SLC9A3: variants seen among roughly 807,000 people sequenced by gnomAD.
SLC9A3 encodes sodium/hydrogen exchanger 3.
A neutral mutation model predicts 86.8 loss-of-function variants in SLC9A3; 37 were observed. The observed-to-expected ratio is 0.43, with a 90% confidence interval of 0.33 to 0.56. The LOEUF (loss-of-function observed/expected upper bound fraction) is 0.56, where lower values mean the gene tolerates loss of function less well. Ranked by LOEUF, SLC9A3 falls within the 20% of genes least tolerant of loss-of-function variation. SLC9A3 has a pLI of 0.06. For synonymous variants in SLC9A3, 581 were observed against 528.3 expected (o/e 1.10, Z -1.37); for missense variants, 1,011 against 1,171.9 (o/e 0.86, Z 2.00).
intron 1 of SLC9A3, among the ~76,000 whole-genome samples, chr5:512,741 G>A (rs1391160554): frequency 2.0e-5 from 3 of 152,200 alleles, no homozygotes; most frequent in African/African-American, 7.2e-5. Flanking sequence ...GGGGTGAGCT[G>A]GAGAAGGCCA....
intron 3 of SLC9A3, 55 bp downstream of exon 3, chr5:488,261 G>A (rs554244983): frequency 1.3e-4 from 199 of 1,589,580 alleles, no homozygotes; most frequent in East Asian, 3.4e-4. Context: ...GGGGTGAGAC[G>A]GGGCCCAGGC....
intron 1 of SLC9A3, among the ~76,000 whole-genome samples, chr5:500,468 C>T (rs4957045): frequency 0.37 from 56,758 of 151,890 alleles, 10,661 homozygotes; most frequent in South Asian, 0.5. Flanking sequence ...CCAGGCGGGC[C>T]GGTGTGGACA....
intron 14 of SLC9A3, 144 bp downstream of exon 14, chr5:475,876 G>A: frequency 1.3e-6 from 1 of 771,910 alleles, no homozygotes. Flanking sequence ...TGCAGCTGGG[G>A]CCCTGACCAT....
intron 3 of SLC9A3, among the ~76,000 whole-genome samples, chr5:485,949 G>T (rs1391141233): frequency 1.3e-5 from 2 of 152,188 alleles, no homozygotes; most frequent in Non-Finnish European, 2.9e-5. Context: ...CAACCTCTTG[G>T]GAGACTCTTG....
intron 2 of SLC9A3, among the ~76,000 whole-genome samples, chr5:490,002 G>A (rs540777054): frequency 1.1e-4 from 16 of 152,234 alleles, no homozygotes; most frequent in Non-Finnish European, 1.8e-4. Context: ...CTGCCATGTC[G>A]ACCCTTTCCC....
In SLC9A3 at chr5:507,859, C is replaced by T. The variant is rs185766315; in HGVS notation, c.212-15788G>A. Among the ~76,000 whole-genome samples, 5 of 38,650 alleles carry T rather than the reference C, an allele frequency of 1.3e-4. 1 individual carries two copies. Among genetic ancestry groups the T allele is most frequent in the African/African-American group, 5.5e-4 (5 of 9,136 alleles). 25.4% of individuals were successfully genotyped at this position (38,650 alleles called of 152,430 possible). Reference sequence around the variant, plus strand: ...GACGCCCAAATCCCCACCCCACAGACGCCCGAATCTCCACCCCACAGACGC... The same window carrying T: ...GACGCCCAAATCCCCACCCCACAGATGCCCGAATCTCCACCCCACAGACGC... On this transcript the variant is annotated intron_variant, in intron 1 of 16. Coordinates refer to ENST00000264938, the MANE Select transcript of SLC9A3 (RefSeq NM_004174.4).
At chr5:484,450 G>A (rs954784192) in intron 5 of SLC9A3, 70 bp downstream of exon 5, 21 of 1,483,062 alleles carry the variant, frequency 1.4e-5, no homozygotes, top group South Asian at 2.4e-5. Context: ...TCGCCCTGCC[G>A]GACCCAGGAG....
At chr5:512,861 G>C (rs1221073763) in intron 1 of SLC9A3, among the ~76,000 whole-genome samples, 1 of 152,142 alleles carries the variant, frequency 6.6e-6, no homozygotes, top group Non-Finnish European at 1.5e-5. Flanking sequence ...TGGGCGTGCA[G>C]AGGCCCAGCA....
At position 482,660 on chromosome 5, in the gene SLC9A3, C is replaced by T. The variant is rs1327970675; in HGVS notation, c.1244G>A (p.Arg415His). The T allele has an allele frequency of 6.2e-7, 1 of 1,612,508 alleles. No individual in the cohort carries two copies. The highest frequency in any genetic ancestry group is 8.5e-7 in the Non-Finnish European group (1 of 1,179,884). The change falls in exon 7 of 17, where the codon CGC becomes CAC. Residue 415 changes from arginine (R) to histidine (H), a missense_variant. Coordinates refer to ENST00000264938, the MANE Select transcript of SLC9A3 (RefSeq NM_004174.4). ...CACCAGGGCAAAGGCCACGGCCCCG[C>T]GCAGGCCCCCGTAGGACAGGACCAC... ...DQVVLSYGGL[R>H]GAVAFALVVL... is the part of the protein sequence containing the mutation.
At chr5:476,174 G>A (rs199771062) in intron 13 of SLC9A3, 28 bp downstream of exon 13, 51 of 1,612,004 alleles carry the variant, frequency 3.2e-5, no homozygotes, top group Non-Finnish European at 4.0e-5. Flanking sequence ...CCCCAGCCCC[G>A]CCAAGCCTCC....
intron 1 of SLC9A3, among the ~76,000 whole-genome samples, chr5:523,402 C>A (rs1325803374): frequency 6.6e-6 from 1 of 151,960 alleles, no homozygotes; most frequent in Non-Finnish European, 1.5e-5. Flanking sequence ...GCCCCCTAAT[C>A]CCCCCTCCAC....
In SLC9A3 at chr5:476,101, C is replaced by G. The variant is rs887412543; in HGVS notation, c.2068-9G>C. The G allele has an allele frequency of 6.2e-7, 1 of 1,613,086 alleles. No homozygotes were observed. Among genetic ancestry groups the G allele is most frequent in the Non-Finnish European group, 8.5e-7 (1 of 1,179,746 alleles). On this transcript the variant is annotated splice_polypyrimidine_tract_variant and intron_variant, in intron 13 of 16. Coordinates refer to ENST00000264938, the MANE Select transcript of SLC9A3 (RefSeq NM_004174.4). Reference sequence around the variant, plus strand: ...GGGATGCTGCTGTTTCTCTGCGGAGCAAACGTGAAGCTGCTCACACCCCGA... The same window carrying G: ...GGGATGCTGCTGTTTCTCTGCGGAGGAAACGTGAAGCTGCTCACACCCCGA...
Position 503,478 on chromosome 5 carries a change from G to T in SLC9A3, c.212-11407C>A, listed in dbSNP as rs566045073. ...CATTGAGCCTGGGCGGGTTGAGGCT[G>T]CACCCCAGTCTGGGTGACAGTGAGC... is the stretch of plus-strand genomic sequence containing the variant. On this transcript the variant is annotated intron_variant, in intron 1 of 16. Coordinates refer to ENST00000264938, the MANE Select transcript of SLC9A3 (RefSeq NM_004174.4). Among the ~76,000 whole-genome samples, 20 of 152,336 alleles carry T rather than the reference G, an allele frequency of 1.3e-4. No homozygotes were observed. The South Asian group carries it at 3.9e-3, about 30-fold the overall frequency.
rs746627914 is a variant in SLC9A3, at chr5:520,938, C to T, written c.211+3174G>A. Among the ~76,000 whole-genome samples, 18 of 152,128 alleles carry T rather than the reference C, an allele frequency of 1.2e-4. 2 individuals carry two copies. The highest frequency in any genetic ancestry group is 2.4e-4 in the Non-Finnish European group (16 of 67,996). On this transcript the variant is annotated intron_variant, in intron 1 of 16. Transcript: ENST00000264938. Reference sequence around the variant, plus strand: ...CCAACACGGACGGTGCAGGGTGAGGCGGGGATTCTGGTGGGCACCTAAGGC... The same window carrying T: ...CCAACACGGACGGTGCAGGGTGAGGTGGGGATTCTGGTGGGCACCTAAGGC...
Position 475,671 on chromosome 5 carries a change from T to G in SLC9A3, c.2141A>C (p.Asp714Ala), listed in dbSNP as rs1236414707. 2 of 1,535,012 alleles carry G rather than the reference T, an allele frequency of 1.3e-6. No individual in the cohort carries two copies. The highest frequency in any genetic ancestry group is 8.8e-7 in the Non-Finnish European group (1 of 1,131,812). The change falls in exon 15 of 17, where the codon GAC becomes GCC. Residue 714 changes from aspartate to alanine, a missense_variant and splice_region_variant. Physicochemically the swap from Asp to Ala is moderately radical, Grantham distance 126 (BLOSUM62 -2). Transcript: ENST00000264938. The stretch of plus-strand genomic sequence containing the variant: ...CTCCTCGGTGTCTGAAAGTTCCAAG[T>G]CTGGGGAAGACAGGTTGGGGTGAGG... Reference protein sequence around the residue: ...PAQNFTIKEKDLELSDTEEPP... With the variant: ...PAQNFTIKEKALELSDTEEPP...
At chr5:485,370 A>G (rs1739417603) in intron 3 of SLC9A3, 139 bp from the exon 4 acceptor site, 2 of 709,630 alleles carry the variant, frequency 2.8e-6, no homozygotes, top group Admixed American at 4.1e-5. Flanking sequence ...ATCACAGGGC[A>G]ATGGCCCCCA....
chr5:481,630 G>A lies in SLC9A3; in HGVS notation c.1452C>T (p.Phe484=), dbSNP rs766791133. 5.6e-6 allele frequency: 9 copies of A among 1,613,636 alleles called. No homozygotes were observed. Among genetic ancestry groups the A allele is most frequent in the Admixed American group, 5.0e-5 (3 of 60,006 alleles). Residue 484 remains phenylalanine, a synonymous_variant, in exon 9 of 17, where the codon TTC becomes TTT. Coordinates refer to ENST00000264938, the MANE Select transcript of SLC9A3 (RefSeq NM_004174.4). Reference sequence around the variant, plus strand: ...CCTCGATGGCCGAGAGGATGTGGTCGAAAGCCTTTCAAGGGAAGAAAGACA... The same window carrying A: ...CCTCGATGGCCGAGAGGATGTGGTCAAAAGCCTTTCAAGGGAAGAAAGACA... The part of the protein sequence containing the change: ...RLNEKLHGRA[F]DHILSAIEDI...
intron 5 of SLC9A3, 106 bp from the exon 6 acceptor site, chr5:483,588 A>T (rs1307665276): frequency 2.5e-6 from 2 of 810,102 alleles, no homozygotes; most frequent in East Asian, 5.4e-5. Flanking sequence ...CCAGAGTCAC[A>T]GTTGTGTGGT....
At chr5:515,244 C>T (rs35941359) in intron 1 of SLC9A3, among the ~76,000 whole-genome samples, 139 of 152,278 alleles carry the variant, frequency 9.1e-4, no homozygotes, top group Non-Finnish European at 1.6e-3. Flanking sequence ...AACGGCCAGG[C>T]CCATTCCCAG....
Sources: gnomAD v4.1 joint callset for allele counts (sites outside exome capture counted in the v4.1 genomes callset) on GRCh38, gnomAD v4.1.1 for gene constraint, MANE v1.5 for transcripts, NCBI Gene and HGNC (gene_info 2026-07-23, HGNC 2026-07-21) for gene names.